Variants in ADAMTS9 observed in about 807,000 individuals in gnomAD.
ADAMTS9 encodes the protein A disintegrin and metalloproteinase with thrombospondin motifs 9.
In ADAMTS9, 107 loss-of-function variants were observed where a neutral mutation model predicts 257.1. The ratio of observed to expected loss-of-function variants is 0.42; its 90% CI spans 0.36 to 0.49. The LOEUF (loss-of-function observed/expected upper bound fraction) is 0.49. Among genes scored for constraint, ADAMTS9 ranks in the 20% least tolerant of loss-of-function variants. ADAMTS9 has a pLI of 0.03. For synonymous variants in ADAMTS9, 982 were observed against 880.9 expected, an observed-to-expected ratio of 1.11 and a Z score of -2.03; for missense variants, 2,353 against 2,469.1, an observed-to-expected ratio of 0.95 and a Z score of 1.00.
intron 37 of ADAMTS9, among the ~76,000 whole-genome samples, chr3:64,533,727 G>T (rs1426383441): frequency 6.6e-6 from 1 of 152,198 alleles, no homozygotes; most frequent in Admixed American, 6.5e-5. Context: ...TCCCTGGGGC[G>T]ATTAGCACAC....
chr3:64,649,226 C>T (rs1436535166), intron 10 of ADAMTS9, among the ~76,000 whole-genome samples: 3 of 152,152 alleles, frequency 2.0e-5, no homozygotes, highest in African/African-American at 7.2e-5. Flanking sequence ...ATGTTTGTCT[C>T]ATGAATTAGC....
Position 64,686,841 on chromosome 3 carries a change from G to A in ADAMTS9, c.243C>T (p.Asp81=), listed in dbSNP as rs756364032. The A allele has an allele frequency of 6.2e-7, 1 of 1,614,154 alleles. No individual in the cohort carries two copies. The highest frequency in any genetic ancestry group is 8.5e-7 in the Non-Finnish European group (1 of 1,180,020). Residue 81 remains aspartate, a synonymous_variant, in exon 2 of 40, where the codon GAC becomes GAT. Coordinates refer to ENST00000498707, the MANE Select transcript of ADAMTS9 (RefSeq NM_182920.2). The surrounding 1 kb of genome is among the most constrained non-coding windows in gnomAD (Gnocchi z 4.6). The stretch of plus-strand genomic sequence containing the variant: ...AGGAGGAGGCGAAGGCAGGCCAGGG[G>A]TCAGTGGCAGAGTTAATGCTCCGTC... ...RTRRSINSAT[D]PWPAFASSSS... is the part of the protein sequence containing the mutation.
intron 11 of ADAMTS9, among the ~76,000 whole-genome samples, chr3:64,644,317 T>C (rs1700732344): frequency 6.6e-6 from 1 of 152,156 alleles, no homozygotes; most frequent in Non-Finnish European, 1.5e-5. Flanking sequence ...GAGGCAGGAA[T>C]GGTACTGAAA....
intron 3 of ADAMTS9, among the ~76,000 whole-genome samples, chr3:64,668,855 G>T (rs970151886): frequency 6.6e-6 from 1 of 152,268 alleles, no homozygotes; most frequent in African/African-American, 2.4e-5. Flanking sequence ...AGATTAAAGC[G>T]CAGTTGGGCT....
Position 64,522,240 on chromosome 3 carries a change from C to T in ADAMTS9, c.5739G>A (p.Gly1913=), listed in dbSNP as rs1163269353. The part of the protein sequence containing the change: ...KKSPDGTRVV[G]KCGGYCGKCT... ...ATTTTCCACAGTAACCACCGCATTT[C>T]CCTACGACTCGGGTACCATCCTGCA... The change falls in exon 39 of 40, where the codon GGG becomes GGA. Residue 1913 remains glycine (G), a synonymous_variant. Transcript: ENST00000498707. 18 of 1,614,044 alleles carry T rather than the reference C, an allele frequency of 1.1e-5. No homozygotes were observed. Among genetic ancestry groups the T allele is most frequent in the Non-Finnish European group, 1.5e-5 (18 of 1,179,942 alleles).
intron 26 of ADAMTS9, 26 bp downstream of exon 26, chr3:64,601,918 G>A: frequency 6.4e-7 from 1 of 1,559,188 alleles, no homozygotes; most frequent in Middle Eastern, 1.7e-4. Flanking sequence ...TGAAAGAGAA[G>A]CAAGCAAACT....
chr3:64,638,403 C>G (rs955361622), intron 12 of ADAMTS9, among the ~76,000 whole-genome samples: 1 of 152,124 alleles, frequency 6.6e-6, no homozygotes, highest in African/African-American at 2.4e-5. Flanking sequence ...TTTGGAGGTT[C>G]TGATTTTAAA....
intron 27 of ADAMTS9, 118 bp downstream of exon 27, chr3:64,596,712 C>G (rs894962140): frequency 8.0e-7 from 1 of 1,246,476 alleles, no homozygotes; most frequent in Non-Finnish European, 1.1e-6. Flanking sequence ...CTAGTTAATC[C>G]CCACCCCAGA....
intron 32 of ADAMTS9, among the ~76,000 whole-genome samples, chr3:64,542,814 A>C (rs1021079733): frequency 2.6e-5 from 4 of 152,170 alleles, no homozygotes; most frequent in African/African-American, 9.7e-5. Flanking sequence ...TCAAAAAATC[A>C]ATGAATCCAG....
At chr3:64,594,665 C>A (rs370883864) in intron 27 of ADAMTS9, among the ~76,000 whole-genome samples, 3 of 152,178 alleles carry the variant, frequency 2.0e-5, no homozygotes, top group East Asian at 3.8e-4. Flanking sequence ...GCACTGAGGA[C>A]TTTTGCATAT....
At chr3:64,577,908 A>C (rs2083893437) in intron 28 of ADAMTS9, among the ~76,000 whole-genome samples, 1 of 152,238 alleles carries the variant, frequency 6.6e-6, no homozygotes, top group Non-Finnish European at 1.5e-5. Context: ...TGCTTCCTCC[A>C]GTCTTACTTT....
intron 38 of ADAMTS9, among the ~76,000 whole-genome samples, chr3:64,529,218 T>C (rs556822165): frequency 3.6e-4 from 55 of 152,290 alleles, no homozygotes; most frequent in South Asian, 6.2e-4. Flanking sequence ...GAAAGAGTGC[T>C]CTCCATTGTT....
At chr3:64,596,801 G>T in intron 27 of ADAMTS9, 29 bp downstream of exon 27, 1 of 1,612,764 alleles carries the variant, frequency 6.2e-7, no homozygotes. Flanking sequence ...CAATTCCTCT[G>T]TATTTATAGA....
chr3:64,675,354 T>A lies in ADAMTS9; in HGVS notation c.679+5847A>T, dbSNP rs560049933. Among the ~76,000 whole-genome samples the A allele has an allele frequency of 9.2e-5, 14 of 152,280 alleles. No individual in the cohort carries two copies. In the East Asian group the frequency reaches 9.7e-4, roughly 11 times the overall value. On this transcript the variant is annotated intron_variant, in intron 3 of 39. Transcript: ENST00000498707. ...TATCATCTAGGGAATGGAAATTAGA[T>A]GGTAGTCAAAGAAGATGCTCCAAAA...
intron 38 of ADAMTS9, among the ~76,000 whole-genome samples, chr3:64,527,874 A>C (rs2082929213): frequency 6.6e-6 from 1 of 152,178 alleles, no homozygotes; most frequent in Non-Finnish European, 1.5e-5. Context: ...AGGTCGAAAC[A>C]TGAGAGTGGG....
At chr3:64,558,631 T>C (rs539400476) in intron 30 of ADAMTS9, among the ~76,000 whole-genome samples, 1 of 152,104 alleles carries the variant, frequency 6.6e-6, no homozygotes. Flanking sequence ...ATGCTTGGAT[T>C]ATTTCTCAAA....
At chr3:64,539,339 G>T (rs781418799) in intron 36 of ADAMTS9, 45 bp from the exon 37 acceptor site, 1 of 1,518,160 alleles carries the variant, frequency 6.6e-7, no homozygotes, top group South Asian at 1.1e-5. Context: ...GGTAAGAGTG[G>T]GAGAAAGGCA....
chr3:64,580,720 GCTAT>G lies in ADAMTS9; in HGVS notation c.4357-12189_4357-12186del, dbSNP rs1487764052. ...TCCTATTCAGAAATGCAAATATTCA[GCTAT>G]CTCTGACTTGTGATAAGTAAAATAA... On this transcript the variant is annotated intron_variant, in intron 28 of 39. Transcript: ENST00000498707. Among the ~76,000 whole-genome samples, 23 of 152,284 alleles carry G rather than the reference GCTAT, an allele frequency of 1.5e-4. No homozygotes were observed. The East Asian group carries it at 4.4e-3, about 29-fold the overall frequency.
intron 38 of ADAMTS9, chr3:64,522,509 A>G: frequency 3.0e-6 from 1 of 334,524 alleles, no homozygotes; most frequent in Non-Finnish European, 5.4e-6. Context: ...AATAATTGAG[A>G]AAAAGTAAAC....
Sources: allele counts gnomAD v4.1 joint callset (sites outside exome capture counted in the v4.1 genomes callset), GRCh38; gene constraint gnomAD v4.1.1; non-coding constraint Gnocchi (gnomAD v3.1); transcripts MANE v1.5; gene names NCBI Gene and HGNC (gene_info 2026-07-23, HGNC 2026-07-21).